The following MRPS25 variants were observed in gnomAD, a reference collection of about 807,000 sequenced individuals.
The protein encoded by MRPS25 is mitochondrial ribosomal protein S25, also known as small ribosomal subunit protein mS25.
MRPS25 carries 15 observed loss-of-function variants against 17.3 expected under a neutral mutation model. The ratio of observed to expected loss-of-function variants is 0.87; its 90% CI spans 0.58 to 1.34. The LOEUF is 1.34. Ranked by LOEUF, MRPS25 falls within the 40% of genes most tolerant of loss-of-function variation. The probability of loss-of-function intolerance (pLI) is 0.00; values close to 1 mark genes in which losing one functional copy is unlikely to be tolerated. For missense variants in MRPS25, 225 were observed against 218.6 expected (o/e 1.03, Z -0.19); for synonymous variants, 94 against 83.3 (o/e 1.13, Z -0.70).
At chr3:15,044,400 T>C (rs2042379130), downstream of MRPS25, 1 of 152,118 alleles carries the variant, frequency 6.6e-6, no homozygotes, top group Non-Finnish European at 1.5e-5. Flanking sequence ...ATTTCCAGGG[T>C]GATAGTCTTT....
At position 15,064,648 on chromosome 3, in the gene MRPS25, C is replaced by T. The variant is rs575768964; in HGVS notation, c.134+413G>A. Among the ~76,000 whole-genome samples the T allele has an allele frequency of 9.5e-4, 144 of 152,346 alleles. 1 individual carries two copies. Among genetic ancestry groups the T allele is most frequent in the African/African-American group, 3.2e-3 (131 of 41,586 alleles). ...AACTGTGCGAGATATGATCAGTGTT[C>T]GCCGCTGTTATTTCTCTCATTTTAT... On this transcript the variant is annotated intron_variant, in intron 1 of 3. Coordinates refer to ENST00000253686, the MANE Select transcript of MRPS25 (RefSeq NM_022497.5).
chr3:15,047,838 A>G (rs1436953266), downstream of MRPS25: 1 of 152,182 alleles, frequency 6.6e-6, no homozygotes, highest in Non-Finnish European at 1.5e-5. Context: ...ACTCCTTTCT[A>G]TAAGTTATGA....
downstream of MRPS25, chr3:15,048,351 A>G (rs2042529242): frequency 6.5e-6 from 1 of 152,680 alleles, no homozygotes; most frequent in African/African-American, 2.4e-5. Context: ...CAGTCTCTAA[A>G]TGAATTAAAA....
At chr3:15,053,146 G>C (rs1385516408) in intron 3 of MRPS25, 1 of 916,764 alleles carries the variant, frequency 1.1e-6, no homozygotes, top group Non-Finnish European at 1.5e-6. Flanking sequence ...CCGCAAGAGG[G>C]AGAGAGGTAC....
In MRPS25 at chr3:15,050,141, A is replaced by AT; in HGVS notation, c.*2299_*2300insA. On this transcript the variant is annotated 3_prime_UTR_variant, in exon 4 of 4. Transcript: ENST00000253686. ...GTTTAAAGAGAAACTATCCAGGATC[A>AT]AGTAGCCTACAGGGAACAAAAAAAG... 7.4e-7 allele frequency: 1 copy of AT among 1,357,322 alleles called. No individual in the cohort carries two copies. Among genetic ancestry groups the AT allele is most frequent in the Non-Finnish European group, 9.4e-7 (1 of 1,065,928 alleles). The allele number at this position is 1,357,322 out of a possible 1,614,324, so 84.1% of individuals were successfully genotyped here. A position where few individuals can be genotyped will look rare whatever the true frequency, so the allele number is the denominator to read the frequency against.
At chr3:15,053,237 T>G (rs2042628316) in intron 3 of MRPS25, 143 bp downstream of exon 3, 1 of 1,474,906 alleles carries the variant, frequency 6.8e-7, no homozygotes, top group East Asian at 2.5e-5. Context: ...AAAGAACTGA[T>G]TCTACAGCCC....
chr3:15,061,879 G>T (rs1263852612), intron 1 of MRPS25, among the ~76,000 whole-genome samples: 1 of 151,756 alleles, frequency 6.6e-6, no homozygotes, highest in Admixed American at 6.5e-5. Flanking sequence ...CGTCTGAGAA[G>T]GGAGGAGACC....
At chr3:15,053,873 C>A (rs1431874691) in intron 2 of MRPS25, among the ~76,000 whole-genome samples, 1 of 152,126 alleles carries the variant, frequency 6.6e-6, no homozygotes, top group African/African-American at 2.4e-5. Context: ...CAAAACAATT[C>A]TAAAAAACGA....
At chr3:15,063,393 C>A (rs972705542) in intron 1 of MRPS25, among the ~76,000 whole-genome samples, 1 of 152,130 alleles carries the variant, frequency 6.6e-6, no homozygotes, top group African/African-American at 2.4e-5. Flanking sequence ...CTGGCTGGAC[C>A]GGTCGCAGGC....
chr3:15,059,267 AC>A, intron 2 of MRPS25, 101 bp downstream of exon 2: 1 of 811,134 alleles, frequency 1.2e-6, no homozygotes, highest in South Asian at 1.4e-5. Flanking sequence ...ACACACCATG[AC>A]AGCGCACACT....
intron 2 of MRPS25, among the ~76,000 whole-genome samples, chr3:15,058,854 A>G (rs908003051): frequency 1.3e-5 from 2 of 152,058 alleles, no homozygotes; most frequent in Non-Finnish European, 2.9e-5. Context: ...TGGAATAAAC[A>G]TCACTTAGCG....
At chr3:15,045,961 A>G (rs113041582), downstream of MRPS25, 3 of 144,588 alleles carry the variant, frequency 2.1e-5, no homozygotes, top group African/African-American at 7.7e-5. Context: ...ATGTTGGGTT[A>G]AGACAGATAG....
chr3:15,049,714 T>C lies in MRPS25; in HGVS notation c.*2727A>G, dbSNP rs1463246506. On this transcript the variant is annotated 3_prime_UTR_variant, in exon 4 of 4. Transcript: ENST00000253686. The stretch of plus-strand genomic sequence containing the variant: ...ATTCATTATGTCATCTGACCTCTCA[T>C]GTTCCAGGTGAAAATTCTGAGGTCC... 1.6e-5 allele frequency: 9 copies of C among 579,722 alleles called. No homozygotes were observed. Among genetic ancestry groups the C allele is most frequent in the Non-Finnish European group, 2.4e-5 (8 of 334,046 alleles). The allele number at this position is 579,722 out of a possible 1,614,324, so 35.9% of individuals were successfully genotyped here.
intron 1 of MRPS25, among the ~76,000 whole-genome samples, chr3:15,060,515 CA>C (rs35071871): frequency 0.014 from 1,133 of 81,116 alleles, 3 homozygotes; most frequent in African/African-American, 0.021. Flanking sequence ...GGTCCTCTCT[CA>C]AAAAAAAAAA....
At chr3:15,042,790 G>C (rs2042315154), downstream of MRPS25, 1 of 1,580,694 alleles carries the variant, frequency 6.3e-7, no homozygotes. Context: ...TGTGGTTGAA[G>C]GGCATCAAAC....
rs372456073 is a variant in MRPS25 at position 15,051,404 on chromosome 3, G to A, written c.*1037C>T. The A allele has an allele frequency of 4.8e-5, 37 of 766,928 alleles. No individual in the cohort carries two copies. In the East Asian group the frequency reaches 2.7e-3, roughly 56 times the overall value. 47.5% of individuals were successfully genotyped at this position (766,928 alleles called of 1,614,324 possible). A position where few individuals can be genotyped will look rare whatever the true frequency, so the allele number is the denominator to read the frequency against. On this transcript the variant is annotated 3_prime_UTR_variant, in exon 4 of 4. Transcript: ENST00000253686. The stretch of plus-strand genomic sequence containing the variant: ...TTGCCATGTTGCCCAGGCTGGTCTC[G>A]AACTCCTGGGCTCAACTATCCGCCC...
At chr3:15,061,778 T>C (rs1465903789) in intron 1 of MRPS25, among the ~76,000 whole-genome samples, 1 of 142,244 alleles carries the variant, frequency 7.0e-6, no homozygotes, top group Non-Finnish European at 1.5e-5. Flanking sequence ...GGGAGCGCCT[T>C]TGCCCCGCCG....
Position 15,051,422 on chromosome 3 carries a change from A to C in MRPS25, c.*1019T>G. ...TGGTCTCGAACTCCTGGGCTCAACT[A>C]TCCGCCCACATCAGCCTCCCAAAGT... On this transcript the variant is annotated 3_prime_UTR_variant, in exon 4 of 4. Coordinates refer to ENST00000253686, the MANE Select transcript of MRPS25 (RefSeq NM_022497.5). 1.2e-6 allele frequency: 1 copy of C among 857,484 alleles called. No individual in the cohort carries two copies. Among genetic ancestry groups the C allele is most frequent in the Non-Finnish European group, 1.4e-6 (1 of 713,310 alleles). 53.1% of individuals were successfully genotyped at this position (857,484 alleles called of 1,614,324 possible).
rs1559325442 is a variant in MRPS25, at chr3:15,050,254, C to T, written c.*2187G>A. 1.1e-5 allele frequency: 13 copies of T among 1,137,830 alleles called. No individual in the cohort carries two copies. The highest frequency in any genetic ancestry group is 1.4e-5 in the Non-Finnish European group (13 of 925,888). 70.5% of individuals were successfully genotyped at this position (1,137,830 alleles called of 1,614,324 possible). A position where few individuals can be genotyped will look rare whatever the true frequency, so the allele number is the denominator to read the frequency against. ...TGCACCACAGGACTGCTGCTGTCTC[C>T]ACACGTCCTTTCAGGGTCTGGGCTG... On this transcript the variant is annotated 3_prime_UTR_variant, in exon 4 of 4. Transcript: ENST00000253686.
Sources: gnomAD v4.1 joint callset for allele counts (sites outside exome capture counted in the v4.1 genomes callset) on GRCh38, gnomAD v4.1.1 for gene constraint, MANE v1.5 for transcripts, NCBI Gene and HGNC (gene_info 2026-07-23, HGNC 2026-07-21) for gene names.